Variants in PKMYT1 observed in about 807,000 individuals in gnomAD.
PKMYT1 encodes protein kinase, membrane associated tyrosine/threonine 1, also known as membrane-associated tyrosine- and threonine-specific cdc2-inhibitory kinase.
A neutral mutation model predicts 49.7 loss-of-function variants in PKMYT1; 35 were observed. The ratio of observed to expected loss-of-function variants is 0.70; its 90% CI spans 0.54 to 0.93. The LOEUF (loss-of-function observed/expected upper bound fraction) is 0.93. PKMYT1 is among the 40% of genes least tolerant of loss of function. The pLI, the probability that PKMYT1 is intolerant of heterozygous loss-of-function variation, is 0.00. For missense variants in PKMYT1, 677 were observed against 673.1 expected (o/e 1.01, Z -0.06); for synonymous variants, 331 against 287.6 (o/e 1.15, Z -1.53).
intron 5 of PKMYT1, 39 bp from the exon 6 acceptor site, chr16:2,974,456 C>T (rs1596449096): frequency 6.3e-7 from 1 of 1,579,452 alleles, no homozygotes; most frequent in Non-Finnish European, 8.6e-7. Context: ...TCCCAGAACA[C>T]CGACTGCACC....
chr16:2,977,715 C>A (rs2072236002), intron 2 of PKMYT1, among the ~76,000 whole-genome samples: 1 of 152,176 alleles, frequency 6.6e-6, no homozygotes. Flanking sequence ...ACACTCCTGC[C>A]CTCCCACCTC....
intron 4 of PKMYT1, chr16:2,974,871 CCCACAAG>C: frequency 1.7e-6 from 1 of 584,046 alleles, no homozygotes; most frequent in Admixed American, 3.1e-5. Context: ...GCCCAGGGAG[CCCACAAG>C]CCACAGTGGT....
At chr16:2,973,515 G>T in intron 7 of PKMYT1, 1 of 1,298,812 alleles carries the variant, frequency 7.7e-7, no homozygotes, top group Non-Finnish European at 1.0e-6. Context: ...CTGCTATCAA[G>T]TGCCCCGAGG....
At chr16:2,978,340 A>G (rs2151079724) in intron 2 of PKMYT1, among the ~76,000 whole-genome samples, 1 of 152,344 alleles carries the variant, frequency 6.6e-6, no homozygotes, top group Middle Eastern at 3.4e-3. Flanking sequence ...GCTGAACCAT[A>G]GGCCAGCTAG....
At position 2,974,273 on chromosome 16, in the gene PKMYT1, G is replaced by A. The variant is rs781119016; in HGVS notation, c.1124C>T (p.Ala375Val). ...WGVLWCMAAE[A>V]LSRGWALWQA... ...CCACAGGGCCCACCCTCGGCTCAGG[G>A]CCTCCGCTGCCATGCACCACAGCAC... is the stretch of plus-strand genomic sequence containing the variant. Residue 375 changes from alanine (A) to valine (V), a missense_variant, in exon 6 of 9, where the codon GCC becomes GTC. Physicochemically the swap from Ala to Val is moderately conservative, Grantham distance 64 (BLOSUM62 0). Coordinates refer to ENST00000262300, the MANE Select transcript of PKMYT1 (RefSeq NM_004203.5). 4 of 1,573,206 alleles carry A rather than the reference G, an allele frequency of 2.5e-6. No homozygotes were observed. Among genetic ancestry groups the A allele is most frequent in the South Asian group, 1.2e-5 (1 of 86,924 alleles).
intron 3 of PKMYT1, chr16:2,976,144 G>A (rs1296162333): frequency 1.5e-5 from 5 of 344,286 alleles, no homozygotes; most frequent in Admixed American, 4.4e-5. Context: ...GCTCCCCTGT[G>A]AGAAAGCTGA....
At chr16:2,975,181 G>T in intron 4 of PKMYT1, 138 bp downstream of exon 4, 1 of 1,077,424 alleles carries the variant, frequency 9.3e-7, no homozygotes, top group Non-Finnish European at 1.3e-6. Context: ...CTGGAGGGCA[G>T]GGATGGCGTC....
chr16:2,973,398 A>G, intron 7 of PKMYT1, 183 bp from the exon 8 acceptor site: 1 of 1,536,548 alleles, frequency 6.5e-7, no homozygotes, highest in South Asian at 1.2e-5. Flanking sequence ...AAGTCCTTCC[A>G]TCTGGCTGCA....
intron 2 of PKMYT1, 103 bp from the exon 3 acceptor site, chr16:2,977,134 C>T: frequency 1.9e-6 from 3 of 1,538,648 alleles, no homozygotes; most frequent in Non-Finnish European, 2.6e-6. Context: ...ATGTCTATAC[C>T]ACACACTTAT....
chr16:2,975,894 C>G (rs2072178041), intron 3 of PKMYT1, 82 bp from the exon 4 acceptor site: 12 of 1,470,030 alleles, frequency 8.2e-6, no homozygotes, highest in Non-Finnish European at 1.0e-5. Context: ...CCTGGCAGAC[C>G]CCATTAAGGG....
chr16:2,976,139 C>A (rs2151075401), intron 3 of PKMYT1: 1 of 350,764 alleles, frequency 2.9e-6, no homozygotes, highest in Non-Finnish European at 5.2e-6. Flanking sequence ...AGTGGGCTCC[C>A]CTGTGAGAAA....
chr16:2,976,520 G>T, intron 3 of PKMYT1, 144 bp downstream of exon 3: 1 of 761,792 alleles, frequency 1.3e-6, no homozygotes, highest in Non-Finnish European at 1.9e-6. Flanking sequence ...CAAGTCAAAT[G>T]TGGAGGGAGC....
In PKMYT1 at chr16:2,975,752, C is replaced by T; in HGVS notation, c.439G>A (p.Gly147Ser). 1.9e-6 allele frequency: 3 copies of T among 1,601,154 alleles called. No individual in the cohort carries two copies. The highest frequency in any genetic ancestry group is 2.5e-6 in the Non-Finnish European group (3 of 1,179,872). ...AACTTGCGGGCCCGGTCCTTGGGGCCCCGGAATGGTGACATGGAACGCTTT... is the reference window on the plus strand; with the variant it reads ...AACTTGCGGGCCCGGTCCTTGGGGCTCCGGAATGGTGACATGGAACGCTTT... ...AVKRSMSPFR[G>S]PKDRARKLAE... Residue 147 changes from glycine (G) to serine (S), a missense_variant, in exon 4 of 9, where the codon GGC becomes AGC. Physicochemically the swap from Gly to Ser is moderately conservative, Grantham distance 56. Transcript: ENST00000262300.
At chr16:2,977,792 C>G (rs1411214822) in intron 2 of PKMYT1, among the ~76,000 whole-genome samples, 1 of 152,210 alleles carries the variant, frequency 6.6e-6, no homozygotes, top group African/African-American at 2.4e-5. Context: ...TCCCTCTCCC[C>G]CAGCTCCCCG....
chr16:2,973,062 TC>T lies in PKMYT1; in HGVS notation c.1390del (p.Asp464MetfsTer5), dbSNP rs747449471. On this transcript the variant is annotated frameshift_variant and splice_region_variant, in exon 9 of 9. Transcript: ENST00000262300. LOFTEE classifies it high-confidence loss of function. ...STPRSRCTPRDALDLSDINSE... is the reference protein window; with the variant it reads ...STPRSRCTPRXALDLSDINSE... Reference sequence around the variant, plus strand: ...GTTGATGTCACTTAGGTCCAGGGCATCCCTGGGAGGAGAGAGTAGTGACACT... The same window carrying T: ...GTTGATGTCACTTAGGTCCAGGGCATCCTGGGAGGAGAGAGTAGTGACACT... The T allele has an allele frequency of 6.2e-7, 1 of 1,600,680 alleles. No homozygotes were observed. Among genetic ancestry groups the T allele is most frequent in the Non-Finnish European group, 8.5e-7 (1 of 1,174,584 alleles).
At position 2,975,485 on chromosome 16, in the gene PKMYT1, G is replaced by A. The variant is rs370010108; in HGVS notation, c.706C>T (p.Pro236Ser). Residue 236 changes from proline (P) to serine (S), a missense_variant, in exon 4 of 9, where the codon CCT becomes TCT. Physicochemically the swap from Pro to Ser is moderately conservative, Grantham distance 74 (BLOSUM62 -1). Coordinates refer to ENST00000262300, the MANE Select transcript of PKMYT1 (RefSeq NM_004203.5). ...SQGLVHLDVK[P>S]ANIFLGPRGR... ...CGGGGCCCCAGGAAGATGTTGGCAG[G>A]CTTGACATCAAGGTGCACCAGGCCC... 1 of 1,612,914 alleles carries A rather than the reference G, an allele frequency of 6.2e-7. No homozygotes were observed. The highest frequency in any genetic ancestry group is 2.2e-5 in the East Asian group (1 of 44,872).
rs866860218 is a variant in PKMYT1, at chr16:2,973,206, G to A, written c.1320C>T (p.Leu440=). ...TCCGGGCCAGGACAGCCTCAGGGGA[G>A]AGTGAAGGCCTGCAGGAGGGCAGGC... ...NWDDDSLGPS[L]SPEAVLARTV... is the part of the protein sequence containing the mutation. The change falls in exon 8 of 9, where the codon CTC becomes CTT. Residue 440 remains leucine, a synonymous_variant. Coordinates refer to ENST00000262300, the MANE Select transcript of PKMYT1 (RefSeq NM_004203.5). The A allele has an allele frequency of 5.3e-6, 8 of 1,507,714 alleles. No individual in the cohort carries two copies. In the African/African-American group the frequency reaches 6.9e-5, roughly 13 times the overall value. 93.4% of individuals were successfully genotyped at this position (1,507,714 alleles called of 1,614,324 possible).
intron 7 of PKMYT1, 75 bp downstream of exon 7, chr16:2,973,925 C>T: frequency 2.0e-6 from 3 of 1,498,146 alleles, no homozygotes; most frequent in Non-Finnish European, 2.7e-6. Flanking sequence ...TCCCCATTCA[C>T]CACGAATCTC....
At position 2,976,801 on chromosome 16, in the gene PKMYT1, G is replaced by T. The variant is rs200289802; in HGVS notation, c.241C>A (p.Arg81=). 1 of 1,575,076 alleles carries T rather than the reference G, an allele frequency of 6.3e-7. No homozygotes were observed. The highest frequency in any genetic ancestry group is 1.8e-5 in the Admixed American group (1 of 55,316). The change falls in exon 3 of 9, where the codon CGG becomes AGG. Residue 81 remains arginine (R), a synonymous_variant. Coordinates refer to ENST00000262300, the MANE Select transcript of PKMYT1 (RefSeq NM_004203.5). The stretch of plus-strand genomic sequence containing the variant: ...GAGGCCTCGCCCCGGAATGACACCC[G>T]CCGGGGCTGCAGCTGGTGCCAGCCT... ...TPGWHQLQPR[R]VSFRGEASET...
Sources: gnomAD v4.1 joint callset for allele counts (sites outside exome capture counted in the v4.1 genomes callset) on GRCh38, gnomAD v4.1.1 for gene constraint, MANE v1.5 for transcripts, NCBI Gene and HGNC (gene_info 2026-07-23, HGNC 2026-07-21) for gene names.